Variants in AKT3 observed in about 807,000 individuals in gnomAD.
AKT3 encodes the protein AKT serine/threonine kinase 3, also known as RAC-gamma serine/threonine-protein kinase.
Under a neutral mutation model 65.3 loss-of-function variants are expected in AKT3, and 15 were observed. The ratio of observed to expected loss-of-function variants is 0.23; its 90% CI spans 0.15 to 0.35. The LOEUF (loss-of-function observed/expected upper bound fraction) is 0.35. AKT3 is among the 10% of genes least tolerant of loss of function. The probability of loss-of-function intolerance (pLI) is 1.00; values close to 1 mark genes in which losing one functional copy is unlikely to be tolerated. For missense variants in AKT3, 243 were observed against 576.5 expected (o/e 0.42, Z 5.92); for synonymous variants, 206 against 183.8 (o/e 1.12, Z -0.98).
chr1:243,496,598 G>A (rs1558556802), downstream of AKT3, among the ~76,000 whole-genome samples: 1 of 152,240 alleles, frequency 6.6e-6, no homozygotes, highest in Non-Finnish European at 1.5e-5. Context: ...GCCACCCACG[G>A]AGACAGTGAA....
intron 12 of AKT3, among the ~76,000 whole-genome samples, chr1:243,534,406 A>G (rs773742377): frequency 2.6e-5 from 4 of 152,234 alleles, no homozygotes; most frequent in Non-Finnish European, 2.9e-5. Flanking sequence ...CTGGAAGGAG[A>G]AACAGATGAC....
At chr1:243,772,250 G>C (rs913128260) in intron 2 of AKT3, among the ~76,000 whole-genome samples, 61 of 151,862 alleles carry the variant, frequency 4.0e-4, no homozygotes, top group Non-Finnish European at 7.2e-4. Flanking sequence ...GAGTGAACAG[G>C]CAACCTACAG....
At chr1:243,653,205 A>G (rs574895453) in intron 4 of AKT3, among the ~76,000 whole-genome samples, 1 of 152,356 alleles carries the variant, frequency 6.6e-6, no homozygotes, top group South Asian at 2.1e-4. Flanking sequence ...CCATCAGAGA[A>G]TACTATAAAC....
At chr1:243,812,858 T>C (rs1164733313) in intron 2 of AKT3, among the ~76,000 whole-genome samples, 1 of 152,106 alleles carries the variant, frequency 6.6e-6, no homozygotes. Flanking sequence ...GATGAGTTCA[T>C]GTCCTTTGTA....
chr1:243,771,004 G>C (rs1324964577), intron 2 of AKT3, among the ~76,000 whole-genome samples: 2 of 152,152 alleles, frequency 1.3e-5, no homozygotes, highest in African/African-American at 2.4e-5. Context: ...ACATGATAAT[G>C]CATGATTTCA....
At chr1:243,664,953 A>G in intron 3 of AKT3, 70 bp from the exon 4 acceptor site, 1 of 834,948 alleles carries the variant, frequency 1.2e-6, no homozygotes, top group Non-Finnish European at 1.7e-6. Flanking sequence ...ATTGAGAACT[A>G]CAGAGTTCTA....
At position 243,664,709 on chromosome 1, in the gene AKT3, T is replaced by C. The variant is rs1450688615; in HGVS notation, c.284+63A>G. 4.2e-6 allele frequency: 3 copies of C among 713,474 alleles called. No individual in the cohort carries two copies. In the East Asian group the frequency reaches 9.8e-5, roughly 23 times the overall value. The allele number at this position is 713,474 out of a possible 1,614,324, so 44.2% of individuals were successfully genotyped here. A position where few individuals can be genotyped will look rare whatever the true frequency, so the allele number is the denominator to read the frequency against. ...TATATTTACAAATAATAAAGTCAGA[T>C]ACAAATACATCTTTAGATTGAGTGT... On this transcript the variant is annotated intron_variant, in intron 4 of 13. Transcript: ENST00000673466.
chr1:243,508,237 T>G (rs1669793599), intron 13 of AKT3, among the ~76,000 whole-genome samples: 3 of 152,232 alleles, frequency 2.0e-5, no homozygotes. Context: ...ATCCAGGAAC[T>G]GTCAAACTAA....
At chr1:243,753,528 G>A (rs569059139) in intron 2 of AKT3, among the ~76,000 whole-genome samples, 1 of 152,060 alleles carries the variant, frequency 6.6e-6, no homozygotes, top group Non-Finnish European at 1.5e-5. Context: ...TAGGAAATCT[G>A]TTTTCAATAA....
At chr1:243,681,818 G>GT (rs1025936271) in intron 3 of AKT3, among the ~76,000 whole-genome samples, 2 of 151,776 alleles carry the variant, frequency 1.3e-5, no homozygotes, top group Admixed American at 6.6e-5. Context: ...TCATTATCTA[G>GT]TTTTTTTTCC....
intron 6 of AKT3, chr1:243,624,588 G>A (rs1321082962): frequency 1.3e-5 from 2 of 156,090 alleles, no homozygotes; most frequent in African/African-American, 2.4e-5. Flanking sequence ...TACTGTAACA[G>A]CAGGATAGCA....
chr1:243,511,813 T>C (rs1558578142), intron 13 of AKT3, among the ~76,000 whole-genome samples: 1 of 152,242 alleles, frequency 6.6e-6, no homozygotes, highest in African/African-American at 2.4e-5. Flanking sequence ...AATATGTAAT[T>C]TATAGGTATC....
At chr1:243,508,681 T>TTTAAAA (rs386370261) in intron 13 of AKT3, among the ~76,000 whole-genome samples, 2 of 130,152 alleles carry the variant, frequency 1.5e-5, no homozygotes, top group East Asian at 2.4e-4. Context: ...TTTTTTTTTT[T>TTTAAAA]AAAAGACAGA....
At chr1:243,516,949 T>C (rs1389502401) in intron 12 of AKT3, among the ~76,000 whole-genome samples, 3 of 152,234 alleles carry the variant, frequency 2.0e-5, no homozygotes, top group Non-Finnish European at 4.4e-5. Flanking sequence ...TTCTAATGTT[T>C]AAAAATATCT....
intron 4 of AKT3, among the ~76,000 whole-genome samples, chr1:243,661,749 A>G (rs1486888222): frequency 1.3e-5 from 2 of 149,758 alleles, no homozygotes. Flanking sequence ...AAAAGAAACT[A>G]CCATCAGAGT....
intron 2 of AKT3, among the ~76,000 whole-genome samples, chr1:243,786,236 C>T (rs1471143407): frequency 6.6e-6 from 1 of 152,226 alleles, no homozygotes; most frequent in Non-Finnish European, 1.5e-5. Context: ...CAAAGTTATG[C>T]TTCCATCTCC....
intron 13 of AKT3, among the ~76,000 whole-genome samples, chr1:243,492,628 G>C: frequency 3.8e-5 from 1 of 26,548 alleles, no homozygotes; most frequent in East Asian, 1.2e-3. Context: ...TTTTTTTTTT[G>C]ATGAGTTTTG....
intron 2 of AKT3, among the ~76,000 whole-genome samples, chr1:243,764,493 T>C (rs1309816071): frequency 2.6e-5 from 4 of 152,062 alleles, no homozygotes; most frequent in African/African-American, 9.7e-5. Flanking sequence ...AATACACAAA[T>C]ACGTTGGTAG....
At chr1:243,712,958 G>A (rs1053399937) in intron 2 of AKT3, among the ~76,000 whole-genome samples, 2 of 152,116 alleles carry the variant, frequency 1.3e-5, no homozygotes, top group African/African-American at 4.8e-5. Flanking sequence ...ATGAGAAAAA[G>A]AGTATGTACT....
Sources: gnomAD v4.1 joint callset for allele counts (sites outside exome capture counted in the v4.1 genomes callset) on GRCh38, gnomAD v4.1.1 for gene constraint, MANE v1.5 for transcripts, NCBI Gene and HGNC (gene_info 2026-07-23, HGNC 2026-07-21) for gene names.